The following CNTN4 variants were observed in gnomAD, a reference collection of about 807,000 sequenced individuals.
CNTN4 encodes the protein contactin-4.
A neutral mutation model predicts 122.5 loss-of-function variants in CNTN4; 77 were observed. The ratio of observed to expected loss-of-function variants is 0.63; its 90% CI spans 0.52 to 0.76. The LOEUF is 0.76. Ranked by LOEUF, CNTN4 falls within the 30% of genes least tolerant of loss-of-function variation. The pLI, the probability that CNTN4 is intolerant of heterozygous loss-of-function variation, is 0.00. For missense variants in CNTN4, 1,256 were observed against 1,259.1 expected, an observed-to-expected ratio of 1.00 and a Z score of 0.04; for synonymous variants, 512 against 447.0, an observed-to-expected ratio of 1.15 and a Z score of -1.83.
chr3:2,678,456 C>T (rs1415924856), intron 4 of CNTN4, among the ~76,000 whole-genome samples: 5 of 152,108 alleles, frequency 3.3e-5, no homozygotes, highest in Non-Finnish European at 1.5e-5. Flanking sequence ...TTATTTATGT[C>T]ACTTATCTTC....
intron 12 of CNTN4, among the ~76,000 whole-genome samples, chr3:2,916,169 T>C (rs1456792762): frequency 6.6e-6 from 1 of 152,236 alleles, no homozygotes; most frequent in Non-Finnish European, 1.5e-5. Flanking sequence ...ATGGTAAATT[T>C]TATGTTATGT....
At chr3:2,900,546 T>C in intron 10 of CNTN4, 139 bp from the exon 11 acceptor site, 2 of 924,370 alleles carry the variant, frequency 2.2e-6, no homozygotes, top group Non-Finnish European at 3.4e-6. Flanking sequence ...CCTGAATGTC[T>C]CCCCAGTCTT....
At chr3:2,158,788 C>G (rs1322070714) in intron 2 of CNTN4, among the ~76,000 whole-genome samples, 2 of 152,180 alleles carry the variant, frequency 1.3e-5, no homozygotes, top group Non-Finnish European at 2.9e-5. Context: ...GTTTCTAGAT[C>G]TTCAATTTCT....
chr3:2,481,734 G>A (rs1478732284), intron 3 of CNTN4, among the ~76,000 whole-genome samples: 2 of 151,880 alleles, frequency 1.3e-5, no homozygotes, highest in East Asian at 3.9e-4. Flanking sequence ...AAATCATGGG[G>A]GTGGTTCTCC....
At position 2,340,710 on chromosome 3, in the gene CNTN4, T is replaced by TATAGAG; in HGVS notation, c.-89+1478_-89+1479insTAGAGA. ...TTATATATATATATATATATATATA[T>TATAGAG]AGAGAGAGAGAGAGAGAGAGAGAGA... is the stretch of plus-strand genomic sequence containing the variant. On this transcript the variant is annotated intron_variant, in intron 3 of 24. Transcript: ENST00000418658. Among the ~76,000 whole-genome samples, 58 of 18,304 alleles carry TATAGAG rather than the reference T, an allele frequency of 3.2e-3. 1 individual carries two copies. Among genetic ancestry groups the TATAGAG allele is most frequent in the African/African-American group, 5.1e-3 (51 of 9,980 alleles). The allele number at this position is 18,304 out of a possible 152,430, so 12.0% of individuals were successfully genotyped here.
chr3:2,491,038 G>A (rs2076301776), intron 3 of CNTN4, among the ~76,000 whole-genome samples: 1 of 152,084 alleles, frequency 6.6e-6, no homozygotes, highest in African/African-American at 2.4e-5. Flanking sequence ...GTCTTTCCAG[G>A]AGGGTAGAAT....
chr3:2,652,011 A>C (rs1342355062), intron 4 of CNTN4, among the ~76,000 whole-genome samples: 2 of 151,920 alleles, frequency 1.3e-5, no homozygotes, highest in Admixed American at 6.6e-5. Flanking sequence ...CTGGCCAAAA[A>C]AAAGGTGTTG....
At chr3:2,312,639 AT>A (rs1188254165) in intron 2 of CNTN4, among the ~76,000 whole-genome samples, 1 of 152,102 alleles carries the variant, frequency 6.6e-6, no homozygotes, top group Non-Finnish European at 1.5e-5. Flanking sequence ...AATAAAAAAA[AT>A]GGTGCGTTTT....
rs80303207 is a variant in CNTN4, at chr3:2,371,312, A to C, written c.-89+32079A>C. 9.9e-3 allele frequency among the ~76,000 whole-genome samples: 1,511 copies of C among 152,290 alleles called. 14 individuals carry two copies. The highest frequency in any genetic ancestry group is 0.015 in the Non-Finnish European group (993 of 68,024). ...CTCTTTCTTTTGTAGCACTTATTCAAGGTACTTACTGCCTTTTTAAAGTTT... is the reference window on the plus strand; with the variant it reads ...CTCTTTCTTTTGTAGCACTTATTCACGGTACTTACTGCCTTTTTAAAGTTT... On this transcript the variant is annotated intron_variant, in intron 3 of 24. Transcript: ENST00000418658.
In CNTN4 at chr3:2,635,093, C is replaced by G. The variant is rs138929456; in HGVS notation, c.55+63535C>G. On this transcript the variant is annotated intron_variant, in intron 4 of 24. Transcript: ENST00000418658. ...TAAGTTTTCATCGAATTTTTTTTTTCTAGTGAGCGATGTTGCTGTATTACA... is the reference window on the plus strand; with the variant it reads ...TAAGTTTTCATCGAATTTTTTTTTTGTAGTGAGCGATGTTGCTGTATTACA... Among the ~76,000 whole-genome samples the G allele has an allele frequency of 1.1e-4, 16 of 151,618 alleles. No homozygotes were observed. In the East Asian group the frequency reaches 3.1e-3, roughly 29 times the overall value.
chr3:2,274,276 G>A (rs761742270), intron 2 of CNTN4, among the ~76,000 whole-genome samples: 14 of 152,136 alleles, frequency 9.2e-5, no homozygotes, highest in African/African-American at 2.2e-4. Flanking sequence ...TCAGCTACTC[G>A]GGAGACTGAG....
intron 2 of CNTN4, among the ~76,000 whole-genome samples, chr3:2,290,288 G>T (rs1303731375): frequency 6.6e-6 from 1 of 152,188 alleles, no homozygotes; most frequent in African/African-American, 2.4e-5. Context: ...AAGCCAGGTG[G>T]ATCCTGGAAA....
intron 14 of CNTN4, chr3:3,008,960 C>G: frequency 2.0e-6 from 2 of 985,260 alleles, no homozygotes; most frequent in South Asian, 4.7e-5. Context: ...TTGGGCTGCA[C>G]GGCTTCAAAC....
At chr3:2,600,008 C>CTTTT (rs71058630) in intron 4 of CNTN4, among the ~76,000 whole-genome samples, 7 of 41,748 alleles carry the variant, frequency 1.7e-4, no homozygotes, top group South Asian at 1.0e-3. Flanking sequence ...TGGAATTCTT[C>CTTTT]TTTTTTTTTT....
At chr3:2,762,204 A>G (rs1025460983) in intron 6 of CNTN4, among the ~76,000 whole-genome samples, 4 of 152,166 alleles carry the variant, frequency 2.6e-5, no homozygotes, top group African/African-American at 7.2e-5. Flanking sequence ...TAGTGTTTGT[A>G]TATAAGGTAA....
rs1264067486 is a variant in CNTN4 at position 2,745,394 on chromosome 3, T to C, written c.183-128T>C. 5 of 804,176 alleles carry C rather than the reference T, an allele frequency of 6.2e-6. No individual in the cohort carries two copies. In the Admixed American group the frequency reaches 6.3e-5, roughly 10 times the overall value. The allele number at this position is 804,176 out of a possible 1,614,324, so 49.8% of individuals were successfully genotyped here. A position where few individuals can be genotyped will look rare whatever the true frequency, so the allele number is the denominator to read the frequency against. On this transcript the variant is annotated intron_variant, in intron 5 of 24. Coordinates refer to ENST00000418658, the MANE Select transcript of CNTN4 (RefSeq NM_175607.3). ...TGCTGGGTAGAGCATTTCTAACTTC[T>C]TAATCATGCTTTTTACAAAAGTCAC...
At chr3:2,909,322 T>G (rs934417605) in intron 12 of CNTN4, among the ~76,000 whole-genome samples, 1 of 152,202 alleles carries the variant, frequency 6.6e-6, no homozygotes, top group African/African-American at 2.4e-5. Flanking sequence ...GTACCAGTAG[T>G]AGGAGGATGT....
chr3:2,911,672 A>C (rs1382933807), intron 12 of CNTN4, among the ~76,000 whole-genome samples: 1 of 152,144 alleles, frequency 6.6e-6, no homozygotes, highest in African/African-American at 2.4e-5. Flanking sequence ...GTACAGATAG[A>C]TAACTAAAGG....
intron 2 of CNTN4, among the ~76,000 whole-genome samples, chr3:2,315,028 T>A (rs978974857): frequency 6.6e-6 from 1 of 151,864 alleles, no homozygotes; most frequent in Non-Finnish European, 1.5e-5. Flanking sequence ...TTCCTAAGAG[T>A]TTTTAATTTA....
Sources: allele counts gnomAD v4.1 joint callset (sites outside exome capture counted in the v4.1 genomes callset), GRCh38; gene constraint gnomAD v4.1.1; transcripts MANE v1.5; gene names NCBI Gene and HGNC (gene_info 2026-07-23, HGNC 2026-07-21).